ANKFY1: variants seen among roughly 807,000 people sequenced by gnomAD.
ANKFY1 encodes ankyrin repeat and FYVE domain containing 1.
Under a neutral mutation model 128.3 loss-of-function variants are expected in ANKFY1, and 47 were observed. The ratio of observed to expected loss-of-function variants is 0.37; its 90% CI spans 0.29 to 0.47. The LOEUF (loss-of-function observed/expected upper bound fraction) is 0.47, where lower values mean the gene tolerates loss of function less well. Ranked by LOEUF, ANKFY1 falls within the 20% of genes least tolerant of loss-of-function variation. The pLI is 1.00. For synonymous variants in ANKFY1, 553 were observed against 601.6 expected (o/e 0.92, Z 1.18); for missense variants, 1,222 against 1,510.6 (o/e 0.81, Z 3.17).
intron 1 of ANKFY1, chr17:4,249,025 T>C (rs1967703040): frequency 1.6e-6 from 1 of 606,292 alleles, no homozygotes; most frequent in African/African-American, 2.0e-5. Context: ...TCTTCATTCA[T>C]TACAAATAGC....
chr17:4,175,108 G>A (rs752566721), intron 19 of ANKFY1, among the ~76,000 whole-genome samples: 17 of 150,826 alleles, frequency 1.1e-4, no homozygotes, highest in Admixed American at 9.8e-4. Flanking sequence ...TGAGGCGGGC[G>A]GATTGCTTCA....
intron 6 of ANKFY1, 88 bp from the exon 7 acceptor site, chr17:4,206,574 C>T: frequency 8.1e-7 from 1 of 1,234,220 alleles, no homozygotes; most frequent in Non-Finnish European, 1.1e-6. Flanking sequence ...TAAATATCAT[C>T]TCTTATACAA....
At chr17:4,170,276 T>C (rs1189595662) in intron 23 of ANKFY1, among the ~76,000 whole-genome samples, 5 of 152,110 alleles carry the variant, frequency 3.3e-5, no homozygotes, top group Non-Finnish European at 2.9e-5. Context: ...AGAGTAAAGA[T>C]TCACAAATAT....
At chr17:4,197,636 T>C in intron 7 of ANKFY1, 59 bp from the exon 8 acceptor site, 1 of 1,506,912 alleles carries the variant, frequency 6.6e-7, no homozygotes, top group Non-Finnish European at 9.1e-7. Flanking sequence ...CCAGTGCTTC[T>C]TCAAGAGGGA....
intron 19 of ANKFY1, among the ~76,000 whole-genome samples, chr17:4,174,774 G>A (rs946505140): frequency 6.6e-6 from 1 of 152,048 alleles, no homozygotes; most frequent in Non-Finnish European, 1.5e-5. Context: ...CCAGGCTGGA[G>A]TGCAGTGGTA....
Position 4,178,763 on chromosome 17 carries a change from A to T in ANKFY1, c.2598+94T>A, listed in dbSNP as rs1050616086. ...ACAACTTCAAAACAAAGCTCTTTCC[A>T]TGAGGAGACCTGTTTAGTCGGTGAC... is the stretch of plus-strand genomic sequence containing the variant. On this transcript the variant is annotated intron_variant, in intron 18 of 24. Transcript: ENST00000341657. The surrounding 1 kb of genome is among the most constrained non-coding windows in gnomAD (Gnocchi z 4.1). 4 of 1,249,030 alleles carry T rather than the reference A, an allele frequency of 3.2e-6. No homozygotes were observed. The highest frequency in any genetic ancestry group is 4.6e-6 in the Non-Finnish European group (4 of 869,636). 77.4% of individuals were successfully genotyped at this position (1,249,030 alleles called of 1,614,324 possible). A position where few individuals can be genotyped will look rare whatever the true frequency, so the allele number is the denominator to read the frequency against.
chr17:4,258,247 C>T (rs1019177324), intron 1 of ANKFY1, among the ~76,000 whole-genome samples: 31 of 152,124 alleles, frequency 2.0e-4, no homozygotes, highest in African/African-American at 7.2e-4. Context: ...GAAGTAGGGC[C>T]GGGCGCGGTG....
intron 1 of ANKFY1, among the ~76,000 whole-genome samples, chr17:4,262,189 G>A (rs1968455401): frequency 6.6e-6 from 1 of 152,088 alleles, no homozygotes; most frequent in African/African-American, 2.4e-5. Flanking sequence ...ATCTTACTCT[G>A]TCGCCCAGGC....
chr17:4,184,917 G>A lies in ANKFY1; in HGVS notation c.1600C>T (p.Leu534=). The A allele has an allele frequency of 6.2e-7, 1 of 1,614,126 alleles. No individual in the cohort carries two copies. The highest frequency in any genetic ancestry group is 8.5e-7 in the Non-Finnish European group (1 of 1,180,044). The change falls in exon 12 of 25, where the codon CTG becomes TTG. Residue 534 remains leucine (L), a synonymous_variant. Coordinates refer to ENST00000341657, the MANE Select transcript of ANKFY1 (RefSeq NM_001330063.2). ...ALPLPKEAAS[L]TSLADSVHLQ... is the part of the protein sequence containing the mutation. Reference sequence around the variant, plus strand: ...TGGACGCTGTCCGCCAAGCTGGTCAGGGATGCGGCCTCCTTTGGCAGAGGC... The same window carrying A: ...TGGACGCTGTCCGCCAAGCTGGTCAAGGATGCGGCCTCCTTTGGCAGAGGC...
At chr17:4,176,715 G>A (rs1020583674) in intron 19 of ANKFY1, among the ~76,000 whole-genome samples, 1 of 152,232 alleles carries the variant, frequency 6.6e-6, no homozygotes, top group Non-Finnish European at 1.5e-5. Flanking sequence ...AGCCTCGGGG[G>A]TAAAATTCTT....
intron 3 of ANKFY1, chr17:4,223,628 A>G: frequency 6.7e-7 from 1 of 1,494,038 alleles, no homozygotes; most frequent in Non-Finnish European, 9.3e-7. Context: ...TCTGGGCCAG[A>G]CGCCCTACAT....
chr17:4,185,035 C>A lies in ANKFY1; in HGVS notation c.1482G>T (p.Pro494=), dbSNP rs144548328. 1 of 1,612,894 alleles carries A rather than the reference C, an allele frequency of 6.2e-7. No homozygotes were observed. Among genetic ancestry groups the A allele is most frequent in the East Asian group, 2.2e-5 (1 of 44,880 alleles). ...GGCCATGCCGACACGCTGTGTGCAA[C>A]GGGGTTTCTCCCTGAATGGAAACAA... ...VNHRNKWGET[P]LHTACRHGLA... The change falls in exon 12 of 25, where the codon CCG becomes CCT. Residue 494 remains proline, a synonymous_variant. Coordinates refer to ENST00000341657, the MANE Select transcript of ANKFY1 (RefSeq NM_001330063.2).
intron 19 of ANKFY1, 115 bp downstream of exon 19, chr17:4,177,011 A>T (rs1009937290): frequency 6.0e-6 from 7 of 1,171,460 alleles, no homozygotes; most frequent in Admixed American, 3.4e-5. Context: ...TCGCTCCCCA[A>T]ATTCCCCAGG....
In ANKFY1 at chr17:4,185,079, C is replaced by G. The variant is rs371736607; in HGVS notation, c.1471-33G>C. 1.3e-5 allele frequency: 21 copies of G among 1,584,882 alleles called. No individual in the cohort carries two copies. The African/African-American group carries it at 2.5e-4, about 19-fold the overall frequency. ...GAAACAAATGGCCGAAATCTGAGCA[C>G]TCACAGGAATTCCCTTCACAAAGAG... is the stretch of plus-strand genomic sequence containing the variant. On this transcript the variant is annotated intron_variant, in intron 11 of 24. Transcript: ENST00000341657.
rs1027403276 is a variant in ANKFY1 at position 4,164,115 on chromosome 17, C to G, written c.*3664G>C. The G allele has an allele frequency of 2.0e-5, 3 of 152,622 alleles. No homozygotes were observed. The highest frequency in any genetic ancestry group is 7.2e-5 in the African/African-American group (3 of 41,460). 9.5% of individuals were successfully genotyped at this position (152,622 alleles called of 1,614,324 possible). A position where few individuals can be genotyped will look rare whatever the true frequency, so the allele number is the denominator to read the frequency against. ...CAAATGTGTGCCTGCAGTTTCTGCCCAGCTACTGCCCCTCCTCTGGGATCA... is the reference window on the plus strand; with the variant it reads ...CAAATGTGTGCCTGCAGTTTCTGCCGAGCTACTGCCCCTCCTCTGGGATCA... On this transcript the variant is annotated 3_prime_UTR_variant, in exon 25 of 25. Transcript: ENST00000341657.
intron 7 of ANKFY1, among the ~76,000 whole-genome samples, chr17:4,201,236 T>C (rs2059922389): frequency 6.6e-6 from 1 of 152,236 alleles, no homozygotes; most frequent in Non-Finnish European, 1.5e-5. Context: ...CTCACTATGT[T>C]GCCCAGGCTG....
At chr17:4,251,544 A>C (rs989138977) in intron 1 of ANKFY1, among the ~76,000 whole-genome samples, 7 of 151,360 alleles carry the variant, frequency 4.6e-5, no homozygotes, top group South Asian at 2.1e-4. Context: ...TTAAAAAAAA[A>C]AAAAACAAAA....
chr17:4,184,492 G>A (rs1277956403), intron 12 of ANKFY1, among the ~76,000 whole-genome samples: 1 of 152,182 alleles, frequency 6.6e-6, no homozygotes. Context: ...TGCCACAACA[G>A]GGTTCTCAAA....
intron 3 of ANKFY1, among the ~76,000 whole-genome samples, chr17:4,233,616 A>T (rs2060551406): frequency 6.6e-6 from 1 of 152,228 alleles, no homozygotes; most frequent in South Asian, 2.1e-4. Context: ...TTAATCCATG[A>T]GATAAATGCC....
Sources: allele counts gnomAD v4.1 joint callset (sites outside exome capture counted in the v4.1 genomes callset), GRCh38; gene constraint gnomAD v4.1.1; non-coding constraint Gnocchi (gnomAD v3.1); transcripts MANE v1.5; gene names NCBI Gene and HGNC (gene_info 2026-07-23, HGNC 2026-07-21).